TTC7A: variants seen among roughly 807,000 people sequenced by gnomAD.
TTC7A encodes the protein tetratricopeptide repeat protein 7A.
A neutral mutation model predicts 103.7 loss-of-function variants in TTC7A; 110 were observed. That is an observed-to-expected ratio of 1.06 (90% CI 0.91 to 1.24). TTC7A has a LOEUF of 1.24. Among genes scored for constraint, TTC7A ranks in the 50% most tolerant of loss-of-function variants. The probability of loss-of-function intolerance (pLI) is 0.00; values close to 1 mark genes in which losing one functional copy is unlikely to be tolerated. For missense variants in TTC7A, 1,340 were observed against 1,116.3 expected (o/e 1.20, Z -2.86); for synonymous variants, 521 against 467.9 (o/e 1.11, Z -1.47).
chr2:47,073,028 A>T (rs1409489253), intron 19 of TTC7A, among the ~76,000 whole-genome samples: 1 of 151,940 alleles, frequency 6.6e-6, no homozygotes, highest in Non-Finnish European at 1.5e-5. Context: ...CAGGCCTTTC[A>T]TCTTTCAGCC....
chr2:46,980,305 T>A (rs957496145), intron 5 of TTC7A, among the ~76,000 whole-genome samples: 4 of 150,872 alleles, frequency 2.7e-5, no homozygotes. Context: ...CTGTACCTCC[T>A]GCGTTCTGGG....
intron 5 of TTC7A, among the ~76,000 whole-genome samples, chr2:46,991,870 C>A (rs1213614903): frequency 6.6e-6 from 1 of 152,244 alleles, no homozygotes; most frequent in Middle Eastern, 3.4e-3. Flanking sequence ...CATCGTAACT[C>A]TGATCCTACC....
intron 19 of TTC7A, 152 bp downstream of exon 19, chr2:47,061,123 C>A: frequency 1.3e-6 from 1 of 783,666 alleles, no homozygotes; most frequent in Non-Finnish European, 2.0e-6. Flanking sequence ...TTCCCTCCTG[C>A]TCTGTTGGAA....
intron 1 of TTC7A, among the ~76,000 whole-genome samples, chr2:46,946,610 C>T (rs940705564): frequency 6.6e-6 from 1 of 151,996 alleles, no homozygotes; most frequent in Non-Finnish European, 1.5e-5. Flanking sequence ...TGTGTAGCGA[C>T]AGAGTCTCAC....
intron 8 of TTC7A, among the ~76,000 whole-genome samples, chr2:47,004,061 CCTT>C (rs1249121783): frequency 6.6e-6 from 1 of 152,244 alleles, no homozygotes; most frequent in Non-Finnish European, 1.5e-5. Flanking sequence ...CCACTCCTCT[CCTT>C]CAACCCTTTG....
intron 8 of TTC7A, among the ~76,000 whole-genome samples, chr2:47,003,419 A>G (rs1262944213): frequency 6.6e-6 from 1 of 152,032 alleles, no homozygotes; most frequent in African/African-American, 2.4e-5. Context: ...GATAGAGGGA[A>G]CTGCAGCATG....
intron 3 of TTC7A, among the ~76,000 whole-genome samples, chr2:46,971,177 A>G (rs1273152280): frequency 6.6e-6 from 1 of 152,252 alleles, no homozygotes; most frequent in Non-Finnish European, 1.5e-5. Context: ...AGGAGCCTAC[A>G]GTCTGGGGAA....
intron 3 of TTC7A, 133 bp from the exon 4 acceptor site, chr2:46,974,840 G>T: frequency 1.6e-6 from 2 of 1,249,344 alleles, no homozygotes; most frequent in South Asian, 1.3e-5. Flanking sequence ...CCTCCCCTCC[G>T]CAGACCTCCG....
chr2:46,943,659 T>A (rs1670666336), intron 1 of TTC7A, among the ~76,000 whole-genome samples: 1 of 152,206 alleles, frequency 6.6e-6, no homozygotes, highest in Admixed American at 6.5e-5. Flanking sequence ...TCTACAGGGT[T>A]CCTTGATCAC....
At chr2:47,041,011 C>T (rs762514579) in intron 15 of TTC7A, among the ~76,000 whole-genome samples, 47 of 152,300 alleles carry the variant, frequency 3.1e-4, no homozygotes, top group Non-Finnish European at 2.8e-4. Context: ...TCAGGCGTTT[C>T]GATCACAGAG....
chr2:46,925,179 C>G (rs1337394171), intron 2 of TTC7A, among the ~76,000 whole-genome samples: 2 of 152,116 alleles, frequency 1.3e-5, no homozygotes, highest in African/African-American at 2.4e-5. Context: ...TAGATTTGAA[C>G]TTCTGGGTTT....
intron 8 of TTC7A, among the ~76,000 whole-genome samples, chr2:47,002,157 G>A (rs894135450): frequency 3.3e-5 from 5 of 152,208 alleles, no homozygotes; most frequent in South Asian, 2.1e-4. Flanking sequence ...TACCCTAGGA[G>A]AACAGCCGGA....
intron 17 of TTC7A, 128 bp from the exon 18 acceptor site, chr2:47,051,618 C>A: frequency 1.6e-6 from 2 of 1,240,218 alleles, no homozygotes; most frequent in Non-Finnish European, 2.1e-6. Flanking sequence ...TTCTGGCTGC[C>A]CAGCCGCACC....
chr2:46,978,420 C>A (rs1170838573), intron 4 of TTC7A, among the ~76,000 whole-genome samples: 2 of 152,136 alleles, frequency 1.3e-5, no homozygotes, highest in African/African-American at 4.8e-5. Flanking sequence ...ATTTAAAGCT[C>A]TGTGATTGTT....
chr2:47,002,981 GTGC>G (rs201758168), intron 8 of TTC7A, among the ~76,000 whole-genome samples: 1 of 152,110 alleles, frequency 6.6e-6, no homozygotes, highest in African/African-American at 2.4e-5. Flanking sequence ...CTGAGGATTT[GTGC>G]TGCTGCTGCT....
intron 1 of TTC7A, among the ~76,000 whole-genome samples, chr2:46,948,107 T>C (rs1015020103): frequency 2.0e-5 from 3 of 152,170 alleles, no homozygotes; most frequent in African/African-American, 7.2e-5. Context: ...GTGCCGTATC[T>C]GGTGGCACGG....
chr2:47,041,990 G>A (rs1468796580), intron 15 of TTC7A, among the ~76,000 whole-genome samples: 2 of 152,070 alleles, frequency 1.3e-5, no homozygotes, highest in East Asian at 3.9e-4. Context: ...GAAGAAAGAC[G>A]GGATGATTGA....
rs554194498 is a variant in TTC7A, at chr2:47,023,396, T to C, written c.1511-12T>C. 6.2e-7 allele frequency: 1 copy of C among 1,613,878 alleles called. No individual in the cohort carries two copies. Among genetic ancestry groups the C allele is most frequent in the African/African-American group, 1.3e-5 (1 of 75,042 alleles). On this transcript the variant is annotated splice_polypyrimidine_tract_variant and intron_variant, in intron 12 of 19. Coordinates refer to ENST00000319190, the MANE Select transcript of TTC7A (RefSeq NM_020458.4). ...ACCCCTGATGGCTCAGTTTCTGTCCTGTCCCCTGCAGCCACCCTGAAGTCC... is the reference window on the plus strand; with the variant it reads ...ACCCCTGATGGCTCAGTTTCTGTCCCGTCCCCTGCAGCCACCCTGAAGTCC...
At chr2:47,072,859 C>G (rs1409487450) in intron 19 of TTC7A, among the ~76,000 whole-genome samples, 4 of 152,250 alleles carry the variant, frequency 2.6e-5, no homozygotes, top group Non-Finnish European at 5.9e-5. Flanking sequence ...TACCCACTTC[C>G]CAGTGTGGGT....
Sources: gnomAD v4.1 joint callset for allele counts (sites outside exome capture counted in the v4.1 genomes callset) on GRCh38, gnomAD v4.1.1 for gene constraint, MANE v1.5 for transcripts, NCBI Gene and HGNC (gene_info 2026-07-23, HGNC 2026-07-21) for gene names.